Variants in GDPD4 observed in about 807,000 individuals in gnomAD.
GDPD4 encodes glycerophosphodiester phosphodiesterase domain containing 4.
In GDPD4, 60 loss-of-function variants were observed where a neutral mutation model predicts 67.8. The observed-to-expected ratio is 0.88, with a 90% CI of 0.72 to 1.10. The LOEUF (loss-of-function observed/expected upper bound fraction) is 1.10, where lower values mean the gene tolerates loss of function less well. GDPD4 is among the 50% of genes least tolerant of loss of function. The pLI, the probability that GDPD4 is intolerant of heterozygous loss-of-function variation, is 0.00. For missense variants in GDPD4, 623 were observed against 613.9 expected (o/e 1.01, Z -0.16); for synonymous variants, 212 against 210.9 (o/e 1.00, Z -0.04).
chr11:77,299,152 G>T (rs1319101564), intron 1 of GDPD4, among the ~76,000 whole-genome samples: 1 of 152,156 alleles, frequency 6.6e-6, no homozygotes, highest in East Asian at 1.9e-4. Flanking sequence ...AGGGGCCGGA[G>T]GTAGCAGTTG....
chr11:77,276,989 T>C (rs1346020938), intron 4 of GDPD4, among the ~76,000 whole-genome samples: 2 of 152,106 alleles, frequency 1.3e-5, no homozygotes, highest in Admixed American at 6.5e-5. Context: ...AAGATAGAAC[T>C]AGAAATAGAA....
At chr11:77,219,741 T>A (rs4360723) in intron 16 of GDPD4, among the ~76,000 whole-genome samples, 3 of 148,120 alleles carry the variant, frequency 2.0e-5, no homozygotes, top group East Asian at 1.9e-4. Flanking sequence ...GGTCTATATC[T>A]CTGTTTTGGT....
At chr11:77,241,921 G>C (rs866544332) in intron 13 of GDPD4, among the ~76,000 whole-genome samples, 2 of 151,984 alleles carry the variant, frequency 1.3e-5, no homozygotes, top group South Asian at 2.1e-4. Context: ...GACAGAGCGA[G>C]ACTCTGTCTC....
chr11:77,217,654 T>C (rs953264420), intron 16 of GDPD4, among the ~76,000 whole-genome samples: 12 of 152,218 alleles, frequency 7.9e-5, no homozygotes, highest in African/African-American at 1.2e-4. Context: ...AAATGAGGGC[T>C]TTTTAAAGGG....
At chr11:77,226,983 C>T (rs536875031) in intron 16 of GDPD4, among the ~76,000 whole-genome samples, 2 of 152,282 alleles carry the variant, frequency 1.3e-5, no homozygotes, top group South Asian at 4.1e-4. Context: ...CACCATTGTC[C>T]ATAAGAAATT....
At chr11:77,230,123 C>T (rs975702768) in intron 14 of GDPD4, among the ~76,000 whole-genome samples, 1 of 152,122 alleles carries the variant, frequency 6.6e-6, no homozygotes, top group South Asian at 2.1e-4. Flanking sequence ...CTCATAATAG[C>T]CCTACTAGTA....
chr11:77,222,246 G>A (rs530414418), intron 16 of GDPD4, among the ~76,000 whole-genome samples: 24 of 152,288 alleles, frequency 1.6e-4, no homozygotes, highest in Middle Eastern at 3.4e-3. Flanking sequence ...TCTTATCTGT[G>A]AATTTAATGC....
chr11:77,263,284 T>C (rs1959155542), intron 10 of GDPD4, among the ~76,000 whole-genome samples: 1 of 152,134 alleles, frequency 6.6e-6, no homozygotes, highest in Admixed American at 6.5e-5. Context: ...GTAATAGCAA[T>C]GTATAATGAG....
At chr11:77,277,430 T>C (rs1959529812) in intron 4 of GDPD4, among the ~76,000 whole-genome samples, 1 of 110,200 alleles carries the variant, frequency 9.1e-6, no homozygotes, top group African/African-American at 3.3e-5. Context: ...AGACAGAGTC[T>C]CGCTCTGTCG....
At chr11:77,233,855 A>C (rs112861764) in intron 13 of GDPD4, among the ~76,000 whole-genome samples, 18 of 152,356 alleles carry the variant, frequency 1.2e-4, no homozygotes, top group Non-Finnish European at 2.1e-4. Flanking sequence ...ATTAAATTTC[A>C]AATATAAGGA....
At chr11:77,257,436 C>T (rs538782231) in intron 11 of GDPD4, among the ~76,000 whole-genome samples, 2 of 152,138 alleles carry the variant, frequency 1.3e-5, no homozygotes, top group Non-Finnish European at 2.9e-5. Flanking sequence ...GTTATGTAAG[C>T]ATTGCCATAA....
intron 1 of GDPD4, among the ~76,000 whole-genome samples, chr11:77,292,760 G>GA (rs1218886104): frequency 2.0e-5 from 3 of 151,978 alleles, no homozygotes; most frequent in Non-Finnish European, 2.9e-5. Context: ...GAATAAGAGG[G>GA]AACCATCACC....
intron 16 of GDPD4, among the ~76,000 whole-genome samples, chr11:77,221,319 A>G (rs1958219927): frequency 1.3e-5 from 2 of 152,038 alleles, no homozygotes; most frequent in African/African-American, 4.8e-5. Flanking sequence ...TTTAATTGTG[A>G]TGTTACAGTG....
At position 77,227,914 on chromosome 11, in the gene GDPD4, C is replaced by T. The variant is rs771147328; in HGVS notation, c.1475G>A (p.Arg492Gln). 1.9e-5 allele frequency: 31 copies of T among 1,610,948 alleles called. No homozygotes were observed. Among genetic ancestry groups the T allele is most frequent in the African/African-American group, 1.2e-4 (9 of 74,852 alleles). Reference protein sequence around the residue: ...FIVAIFCFHWRRETEKEKLFE... With the variant: ...FIVAIFCFHWQRETEKEKLFE... ...CAATTTTTCTTTTTCAGTCTCTCTC[C>T]GCCTAGAAGGAAGCAGACCATCCAT... Residue 492 changes from arginine to glutamine, a missense_variant and splice_region_variant, in exon 16 of 17, where the codon CGG becomes CAG. By Grantham distance (43) the Arg-to-Gln change is conservative. Transcript: ENST00000315938.
intron 8 of GDPD4, 31 bp downstream of exon 8, chr11:77,269,852 T>G (rs775913511): frequency 8.0e-7 from 1 of 1,244,226 alleles, no homozygotes; most frequent in Admixed American, 2.1e-5. Context: ...TTTGCTTTAG[T>G]GACTTTCAAA....
rs150358857 is a variant in GDPD4, at chr11:77,245,411, G to A, written c.956C>T (p.Thr319Ile). 3.5e-5 allele frequency: 57 copies of A among 1,613,954 alleles called. No individual in the cohort carries two copies. The African/African-American group carries it at 6.7e-4, about 19-fold the overall frequency. Reference sequence around the variant, plus strand: ...AAATTTTCTTTCCTTCTCTGCAAGTGTCAATAAATCAGCTAGTGTTGGAAT... The same window carrying A: ...AAATTTTCTTTCCTTCTCTGCAAGTATCAATAAATCAGCTAGTGTTGGAAT... ...QSIPTLADLL[T>I]LAEKERKFVI... The change falls in exon 12 of 17, where the codon ACA becomes ATA. Residue 319 changes from threonine (T) to isoleucine (I), a missense_variant. Thr to Ile is a moderately conservative substitution (Grantham distance 89). Coordinates refer to ENST00000315938, the MANE Select transcript of GDPD4 (RefSeq NM_182833.3).
chr11:77,241,886 T>A (rs2135841089), intron 13 of GDPD4, among the ~76,000 whole-genome samples: 1 of 152,034 alleles, frequency 6.6e-6, no homozygotes, highest in Non-Finnish European at 1.5e-5. Flanking sequence ...CGAGCCAAGA[T>A]TGGGCCTTTG....
Position 77,216,976 on chromosome 11 carries a change from A to T in GDPD4, c.*301T>A. The T allele has an allele frequency of 1.4e-6, 1 of 702,998 alleles. No individual in the cohort carries two copies. The highest frequency in any genetic ancestry group is 2.6e-6 in the Non-Finnish European group (1 of 384,998). The allele number at this position is 702,998 out of a possible 1,614,324, so 43.5% of individuals were successfully genotyped here. A position where few individuals can be genotyped will look rare whatever the true frequency, so the allele number is the denominator to read the frequency against. ...CCTCTATGGAGGGCATGGTTGGCTT[A>T]TCCACCTTCAGGGTGGGCAATGTAG... On this transcript the variant is annotated 3_prime_UTR_variant, in exon 17 of 17. Coordinates refer to ENST00000315938, the MANE Select transcript of GDPD4 (RefSeq NM_182833.3).
intron 11 of GDPD4, among the ~76,000 whole-genome samples, chr11:77,247,978 G>A (rs535894467): frequency 1.4e-5 from 2 of 146,386 alleles, no homozygotes; most frequent in East Asian, 4.1e-4. Flanking sequence ...CTTGAACCGG[G>A]AGGCAGAGGT....
Sources: gnomAD v4.1 joint callset for allele counts (sites outside exome capture counted in the v4.1 genomes callset) on GRCh38, gnomAD v4.1.1 for gene constraint, MANE v1.5 for transcripts, NCBI Gene and HGNC (gene_info 2026-07-23, HGNC 2026-07-21) for gene names.